The following EPM2A variants were observed in gnomAD, a reference collection of about 807,000 sequenced individuals.
EPM2A encodes EPM2A glucan phosphatase, laforin.
A neutral mutation model predicts 26.5 loss-of-function variants in EPM2A; 21 were observed. The ratio of observed to expected loss-of-function variants is 0.79; its 90% CI spans 0.56 to 1.14. The LOEUF is 1.14. EPM2A is among the 50% of genes most tolerant of loss of function. EPM2A has a pLI of 0.00. For synonymous variants in EPM2A, 217 were observed against 177.6 expected (o/e 1.22, Z -1.76); for missense variants, 458 against 440.8 (o/e 1.04, Z -0.35).
intron 4 of EPM2A, among the ~76,000 whole-genome samples, chr6:145,488,867 G>C (rs1167137722): frequency 6.6e-6 from 1 of 151,906 alleles, no homozygotes; most frequent in African/African-American, 2.4e-5. Flanking sequence ...TTGGCACTTC[G>C]GCTGCCATTA....
intron 4 of EPM2A, among the ~76,000 whole-genome samples, chr6:145,479,157 CAGTAG>C (rs1322556703): frequency 6.6e-6 from 1 of 150,708 alleles, no homozygotes; most frequent in Non-Finnish European, 1.5e-5. Flanking sequence ...TGACGTCTTC[CAGTAG>C]TAAAGATCTG....
At chr6:145,548,287 T>C (rs1281874860) in intron 2 of EPM2A, among the ~76,000 whole-genome samples, 1 of 152,142 alleles carries the variant, frequency 6.6e-6, no homozygotes, top group African/African-American at 2.4e-5. Context: ...AACTGCACTT[T>C]AGAGACTCAT....
intron 4 of EPM2A, among the ~76,000 whole-genome samples, chr6:145,441,248 C>A (rs1322048258): frequency 6.6e-6 from 1 of 152,228 alleles, no homozygotes; most frequent in African/African-American, 2.4e-5. Flanking sequence ...ACTTTGGCCC[C>A]TTTTTAGTCA....
chr6:145,458,709 T>C (rs148556566), intron 4 of EPM2A, among the ~76,000 whole-genome samples: 12 of 152,210 alleles, frequency 7.9e-5, no homozygotes, highest in African/African-American at 1.7e-4. Flanking sequence ...AGCACCTGTT[T>C]ACATGTATAT....
intron 4 of EPM2A, among the ~76,000 whole-genome samples, chr6:145,429,025 G>A (rs555878147): frequency 1.0e-3 from 158 of 152,210 alleles, no homozygotes; most frequent in African/African-American, 2.9e-3. Context: ...GCTTTCCAAA[G>A]GCAAATGAGT....
intron 4 of EPM2A, among the ~76,000 whole-genome samples, chr6:145,453,462 A>C (rs2114710624): frequency 6.6e-6 from 1 of 152,168 alleles, no homozygotes; most frequent in African/African-American, 2.4e-5. Flanking sequence ...TAATAGATAC[A>C]CTGTCATGTG....
At chr6:145,523,540 T>C (rs1408309584) in intron 2 of EPM2A, among the ~76,000 whole-genome samples, 4 of 152,156 alleles carry the variant, frequency 2.6e-5, no homozygotes, top group African/African-American at 9.7e-5. Context: ...AATATTTTAA[T>C]TGTTTTGAGG....
intron 2 of EPM2A, among the ~76,000 whole-genome samples, chr6:145,554,036 G>A (rs1167375640): frequency 6.6e-6 from 1 of 151,750 alleles, no homozygotes; most frequent in Non-Finnish European, 1.5e-5. Context: ...ATGCTTTACA[G>A]TTGTCAAAGC....
At chr6:145,624,698 T>C (rs1205231247), downstream of EPM2A, among the ~76,000 whole-genome samples, 2 of 152,230 alleles carry the variant, frequency 1.3e-5, no homozygotes, top group African/African-American at 4.8e-5. Context: ...TTCAGTGATT[T>C]TTCATGTGTG....
intron 2 of EPM2A, among the ~76,000 whole-genome samples, chr6:145,656,497 G>A (rs1350990781): frequency 1.3e-5 from 2 of 152,204 alleles, no homozygotes; most frequent in East Asian, 3.9e-4. Flanking sequence ...GCATCATTAA[G>A]TAACTTTAAT....
At chr6:145,407,032 G>A (rs994439218) in intron 4 of EPM2A, among the ~76,000 whole-genome samples, 4 of 152,080 alleles carry the variant, frequency 2.6e-5, no homozygotes, top group East Asian at 1.9e-4. Context: ...ATGCAGGATC[G>A]TGCCTCGTGG....
chr6:145,560,396 G>C (rs908576406), intron 2 of EPM2A, among the ~76,000 whole-genome samples: 1 of 152,092 alleles, frequency 6.6e-6, no homozygotes. Flanking sequence ...AATCAGGGGT[G>C]AACAAATTTC....
Position 145,417,455 on chromosome 6 carries a change from C to T in EPM2A, c.556-33358G>A, listed in dbSNP as rs574762192. Reference sequence around the variant, plus strand: ...AAATTAATGGATTGAGTTCGTCAGGCTCAGGGGCTAAAATTCTATTCAGTA... The same window carrying T: ...AAATTAATGGATTGAGTTCGTCAGGTTCAGGGGCTAAAATTCTATTCAGTA... On this transcript the variant is annotated intron_variant, in intron 4 of 4. Coordinates refer to the EPM2A transcript ENST00000638717. 5.3e-5 allele frequency among the ~76,000 whole-genome samples: 8 copies of T among 152,242 alleles called. No individual in the cohort carries two copies. In the South Asian group the frequency reaches 1.2e-3, roughly 24 times the overall value.
chr6:145,425,371 C>T (rs1778842061), intron 4 of EPM2A, among the ~76,000 whole-genome samples: 1 of 152,060 alleles, frequency 6.6e-6, no homozygotes, highest in Admixed American at 6.6e-5. Context: ...TACAGGGTTT[C>T]GCCATGTTGG....
intron 2 of EPM2A, among the ~76,000 whole-genome samples, chr6:145,600,454 C>T (rs925586596): frequency 6.6e-6 from 1 of 152,194 alleles, no homozygotes; most frequent in Non-Finnish European, 1.5e-5. Flanking sequence ...GCTGTCCTTT[C>T]AAAGAACACT....
In EPM2A at chr6:145,635,424, A is replaced by G. The variant is rs1490039469; in HGVS notation, c.539T>C (p.Leu180Pro). The G allele has an allele frequency of 6.2e-7, 1 of 1,614,038 alleles. No homozygotes were observed. Among genetic ancestry groups the G allele is most frequent in the Admixed American group, 1.7e-5 (1 of 60,018 alleles). Reference sequence around the variant, plus strand: ...AGCTGTAATCCCCAATTCATGCTTCAGTTTGATGGTTACATGTTCCACCTG... The same window carrying G: ...AGCTGTAATCCCCAATTCATGCTTCGGTTTGATGGTTACATGTTCCACCTG... The part of the protein sequence containing the change: ...PRQVEHVTIK[L>P]KHELGITAVM... The change falls in exon 3 of 4, where the codon CTG becomes CCG. Residue 180 changes from leucine (L) to proline (P), a missense_variant. By Grantham distance (98) the Leu-to-Pro change is moderately conservative. Transcript: ENST00000367519.
chr6:145,388,479 C>T (rs1301025442), intron 4 of EPM2A, among the ~76,000 whole-genome samples: 2 of 152,098 alleles, frequency 1.3e-5, no homozygotes, highest in African/African-American at 2.4e-5. Flanking sequence ...AAAACCCAGA[C>T]CAATTTCTTT....
intron 1 of EPM2A, among the ~76,000 whole-genome samples, chr6:145,688,822 T>C (rs1781095978): frequency 6.6e-6 from 1 of 152,172 alleles, no homozygotes; most frequent in Non-Finnish European, 1.5e-5. Context: ...CAGCAGAGCA[T>C]GACTGAAAGT....
chr6:145,436,534 C>A (rs981975584), intron 4 of EPM2A, among the ~76,000 whole-genome samples: 4 of 152,112 alleles, frequency 2.6e-5, no homozygotes, highest in Non-Finnish European at 2.9e-5. Flanking sequence ...CTGTTAACAT[C>A]CTAGGGGGTG....
Sources: allele counts gnomAD v4.1 joint callset (sites outside exome capture counted in the v4.1 genomes callset), GRCh38; gene constraint gnomAD v4.1.1; transcripts MANE v1.5; gene names NCBI Gene and HGNC (gene_info 2026-07-23, HGNC 2026-07-21).